Variants in KCNJ6 observed in about 807,000 individuals in gnomAD.
KCNJ6 encodes the protein G protein-activated inward rectifier potassium channel 2.
Under a neutral mutation model 34.2 loss-of-function variants are expected in KCNJ6, and 9 were observed. That is an observed-to-expected ratio of 0.26 (90% CI 0.16 to 0.46). The LOEUF (loss-of-function observed/expected upper bound fraction) is 0.46. Among genes scored for constraint, KCNJ6 ranks in the 20% least tolerant of loss-of-function variants. The probability of loss-of-function intolerance (pLI) is 1.00; values close to 1 mark genes in which losing one functional copy is unlikely to be tolerated. For synonymous variants in KCNJ6, 196 were observed against 207.1 expected, an observed-to-expected ratio of 0.95 and a Z score of 0.46; for missense variants, 236 against 531.3, an observed-to-expected ratio of 0.44 and a Z score of 5.46.
intron 2 of KCNJ6, among the ~76,000 whole-genome samples, chr21:37,751,507 G>C (rs1239119285): frequency 6.6e-6 from 1 of 152,208 alleles, no homozygotes; most frequent in Non-Finnish European, 1.5e-5. Flanking sequence ...TGAAGTGCAA[G>C]GTTCAACATT....
intron 2 of KCNJ6, among the ~76,000 whole-genome samples, chr21:37,823,051 G>C (rs1453338118): frequency 2.0e-5 from 3 of 152,116 alleles, no homozygotes; most frequent in Admixed American, 6.5e-5. Context: ...TGTTGAAGAG[G>C]GAGGGACAGA....
At chr21:37,727,072 C>A (rs73206014) in intron 2 of KCNJ6, among the ~76,000 whole-genome samples, 1 of 152,296 alleles carries the variant, frequency 6.6e-6, no homozygotes, top group Non-Finnish European at 1.5e-5. Context: ...AAGACAGAGG[C>A]AGAGACTGCA....
intron 3 of KCNJ6, among the ~76,000 whole-genome samples, chr21:37,700,658 C>T (rs1481565957): frequency 6.6e-6 from 1 of 152,086 alleles, no homozygotes; most frequent in African/African-American, 2.4e-5. Context: ...AGGGCAGCGG[C>T]CAAGCCCCTG....
chr21:37,762,614 G>A (rs916009357), intron 2 of KCNJ6, among the ~76,000 whole-genome samples: 2 of 152,188 alleles, frequency 1.3e-5, no homozygotes, highest in Non-Finnish European at 2.9e-5. Context: ...TGTTACCAAC[G>A]CCCACAGCTG....
rs2054475213 is a variant in KCNJ6, at chr21:37,658,698, C to T, written c.947-33214G>A. On this transcript the variant is annotated intron_variant, in intron 3 of 3. Transcript: ENST00000609713. ...TACAGGAGGGGAAGGGACGCTGAGG[C>T]CAAGAGTGCTGGCTCACTGGGGTGG... is the stretch of plus-strand genomic sequence containing the variant. 2.0e-5 allele frequency among the ~76,000 whole-genome samples: 3 copies of T among 152,162 alleles called. No individual in the cohort carries two copies. In the South Asian group the frequency reaches 6.2e-4, roughly 32 times the overall value.
At chr21:37,889,378 C>T (rs1431267231) in intron 1 of KCNJ6, among the ~76,000 whole-genome samples, 1 of 152,106 alleles carries the variant, frequency 6.6e-6, no homozygotes, top group African/African-American at 2.4e-5. Context: ...TCCAGAATCC[C>T]CATGCTGCAT....
In KCNJ6 at chr21:37,813,198, TAAA is replaced by T. The variant is rs143160834; in HGVS notation, c.25+27457_25+27459del. Among the ~76,000 whole-genome samples the T allele has an allele frequency of 5.2e-3, 784 of 152,002 alleles. 7 individuals are homozygous for T. Among genetic ancestry groups the T allele is most frequent in the African/African-American group, 0.018 (759 of 41,496 alleles). On this transcript the variant is annotated intron_variant, in intron 2 of 3. Coordinates refer to ENST00000609713, the MANE Select transcript of KCNJ6 (RefSeq NM_002240.5). ...ATATAAAATTAAATTACCTAGGAAA[TAAA>T]GAAGTGAAAATCTCTATAATGAAAA... is the stretch of plus-strand genomic sequence containing the variant.
At chr21:37,783,919 G>T (rs2055181431) in intron 2 of KCNJ6, among the ~76,000 whole-genome samples, 1 of 152,214 alleles carries the variant, frequency 6.6e-6, no homozygotes, top group Non-Finnish European at 1.5e-5. Context: ...GACACAGCAG[G>T]AGGTGGCTGT....
At position 37,743,523 on chromosome 21, in the gene KCNJ6, T is replaced by C. The variant is rs1042071024; in HGVS notation, c.26-28392A>G. ...GCCACGAGGGCTCCCCCCTCACGGA[T>C]GGATTAATGCTGCTATTGAGAGAGT... On this transcript the variant is annotated intron_variant, in intron 2 of 3. Coordinates refer to ENST00000609713, the MANE Select transcript of KCNJ6 (RefSeq NM_002240.5). Among the ~76,000 whole-genome samples the C allele has an allele frequency of 2.6e-5, 4 of 152,080 alleles. No homozygotes were observed. The East Asian group carries it at 5.8e-4, about 22-fold the overall frequency.
intron 3 of KCNJ6, among the ~76,000 whole-genome samples, chr21:37,660,926 A>T (rs796889723): frequency 3.9e-5 from 6 of 152,380 alleles, no homozygotes; most frequent in African/African-American, 1.4e-4. Context: ...AAGCAGATTG[A>T]TGGAACATCT....
chr21:37,757,679 T>TAC (rs2055037590), intron 2 of KCNJ6, among the ~76,000 whole-genome samples: 1 of 98,686 alleles, frequency 1.0e-5, no homozygotes, highest in South Asian at 3.5e-4. Context: ...CTGGAGAGAG[T>TAC]ACTCCCTCAC....
intron 2 of KCNJ6, among the ~76,000 whole-genome samples, chr21:37,786,404 G>T (rs2055192847): frequency 6.6e-6 from 1 of 152,184 alleles, no homozygotes; most frequent in Admixed American, 6.5e-5. Context: ...CAGATGAGTA[G>T]GCCCCTCCTC....
intron 2 of KCNJ6, among the ~76,000 whole-genome samples, chr21:37,718,633 A>T (rs991851343): frequency 6.7e-6 from 1 of 148,824 alleles, no homozygotes; most frequent in African/African-American, 2.5e-5. Flanking sequence ...ACTTGGATGC[A>T]GGGCGGGGAA....
rs1363468219 is a variant in KCNJ6 at position 37,625,487 on chromosome 21, G to A, written c.947-3C>T. 1 of 1,607,938 alleles carries A rather than the reference G, an allele frequency of 6.2e-7. No homozygotes were observed. Among genetic ancestry groups the A allele is most frequent in the Non-Finnish European group, 8.5e-7 (1 of 1,175,836 alleles). ...GCTTCGAGCTTGGCATGTCATCCCT[G>A]CAGAGAGAAGAATGGAGGCTTTAGC... On this transcript the variant is annotated splice_polypyrimidine_tract_variant and splice_region_variant and intron_variant, in intron 3 of 3. Transcript: ENST00000609713.
At chr21:37,659,802 G>T (rs2054480071) in intron 3 of KCNJ6, among the ~76,000 whole-genome samples, 1 of 152,144 alleles carries the variant, frequency 6.6e-6, no homozygotes, top group South Asian at 2.1e-4. Context: ...TCCACTTTTG[G>T]CTTCTTCATG....
chr21:37,682,309 A>C (rs1207961447), intron 3 of KCNJ6, among the ~76,000 whole-genome samples: 1 of 152,212 alleles, frequency 6.6e-6, no homozygotes, highest in Non-Finnish European at 1.5e-5. Flanking sequence ...TAGTGTTAGC[A>C]CGTAGGCTGG....
chr21:37,666,884 G>A (rs1353327854), intron 3 of KCNJ6, among the ~76,000 whole-genome samples: 2 of 151,406 alleles, frequency 1.3e-5, no homozygotes, highest in Non-Finnish European at 2.9e-5. Context: ...CATGTGCTGT[G>A]TCAACTCAGG....
At chr21:37,666,987 T>C (rs1022984422) in intron 3 of KCNJ6, among the ~76,000 whole-genome samples, 1 of 150,216 alleles carries the variant, frequency 6.7e-6, no homozygotes, top group Non-Finnish European at 1.5e-5. Flanking sequence ...CTCCCTAATC[T>C]CAAGTACCCA....
chr21:37,697,524 G>A (rs1038759905), intron 3 of KCNJ6, among the ~76,000 whole-genome samples: 7 of 152,316 alleles, frequency 4.6e-5, no homozygotes, highest in South Asian at 4.2e-4. Context: ...GTACTCAAGC[G>A]TTTGTTGCAA....
Sources: gnomAD v4.1 joint callset for allele counts (sites outside exome capture counted in the v4.1 genomes callset) on GRCh38, gnomAD v4.1.1 for gene constraint, MANE v1.5 for transcripts, NCBI Gene and HGNC (gene_info 2026-07-23, HGNC 2026-07-21) for gene names.